The following SLC9A9 variants were observed in gnomAD, a reference collection of about 807,000 sequenced individuals.
SLC9A9 encodes solute carrier family 9 member A9, also known as sodium/hydrogen exchanger 9.
In SLC9A9, 62 loss-of-function variants were observed where a neutral mutation model predicts 77.8. The ratio of observed to expected loss-of-function variants is 0.80; its 90% CI spans 0.65 to 0.98. SLC9A9 has a LOEUF of 0.98. Among genes scored for constraint, SLC9A9 ranks in the 50% least tolerant of loss-of-function variants. SLC9A9 has a pLI of 0.00. For missense variants in SLC9A9, 775 were observed against 774.9 expected, an observed-to-expected ratio of 1.00 and a Z score of 0.00; for synonymous variants, 320 against 283.5, an observed-to-expected ratio of 1.13 and a Z score of -1.29.
At chr3:143,435,481 C>T (rs1329790887) in intron 12 of SLC9A9, among the ~76,000 whole-genome samples, 1 of 152,190 alleles carries the variant, frequency 6.6e-6, no homozygotes, top group Non-Finnish European at 1.5e-5. Context: ...TATATATTTT[C>T]ACTTCCAGTT....
intron 12 of SLC9A9, among the ~76,000 whole-genome samples, chr3:143,430,257 C>T (rs1015765482): frequency 2.0e-5 from 3 of 152,192 alleles, no homozygotes; most frequent in Non-Finnish European, 2.9e-5. Context: ...CAGTGGGGCT[C>T]ATTAATGCAC....
At position 143,581,624 on chromosome 3, in the gene SLC9A9, C is replaced by T. The variant is rs112282113; in HGVS notation, c.756-2901G>A. Among the ~76,000 whole-genome samples, 9 of 152,208 alleles carry T rather than the reference C, an allele frequency of 5.9e-5. 1 individual carries two copies. The highest frequency in any genetic ancestry group is 1.9e-4 in the African/African-American group (8 of 41,538). On this transcript the variant is annotated intron_variant, in intron 6 of 15. Transcript: ENST00000316549. ...TAAGATCACACAGCTACTAAGTTCA[C>T]AATGTAGATTTCTTGTTTCTCCCTT... is the stretch of plus-strand genomic sequence containing the variant.
At chr3:143,754,779 A>C (rs1243203988) in intron 4 of SLC9A9, among the ~76,000 whole-genome samples, 8 of 152,220 alleles carry the variant, frequency 5.3e-5, no homozygotes, top group Admixed American at 5.2e-4. Context: ...ACTGGTTATC[A>C]CAGAAACTCC....
intron 6 of SLC9A9, among the ~76,000 whole-genome samples, chr3:143,613,609 A>G (rs1292214236): frequency 1.1e-4 from 17 of 152,110 alleles, no homozygotes; most frequent in Non-Finnish European, 1.5e-5. Flanking sequence ...TTTTTTTATA[A>G]TTGGACAGCT....
intron 14 of SLC9A9, among the ~76,000 whole-genome samples, chr3:143,279,177 G>C (rs749001634): frequency 1.3e-5 from 2 of 152,120 alleles, no homozygotes; most frequent in Non-Finnish European, 2.9e-5. Context: ...GGCTTCTGGA[G>C]CCCTAGGAAA....
chr3:143,486,506 A>G (rs184082138), intron 11 of SLC9A9, among the ~76,000 whole-genome samples: 33 of 152,292 alleles, frequency 2.2e-4, no homozygotes, highest in Admixed American at 1.0e-3. Context: ...CACTAATATT[A>G]TAACTTTGGT....
chr3:143,806,389 G>T (rs920145364), intron 2 of SLC9A9, among the ~76,000 whole-genome samples: 1 of 151,916 alleles, frequency 6.6e-6, no homozygotes, highest in Non-Finnish European at 1.5e-5. Flanking sequence ...ATGATTATTG[G>T]TTTATATTTG....
chr3:143,784,172 G>A (rs16854322), intron 4 of SLC9A9, among the ~76,000 whole-genome samples: 28,492 of 152,100 alleles, frequency 0.19, 2,830 homozygotes, highest in South Asian at 0.26. Flanking sequence ...AAACTTTCCC[G>A]TAGTTCCCCA....
chr3:143,460,154 TC>T (rs1167547585), intron 12 of SLC9A9, among the ~76,000 whole-genome samples: 1 of 152,130 alleles, frequency 6.6e-6, no homozygotes, highest in Non-Finnish European at 1.5e-5. Context: ...TGTCTATGAG[TC>T]CAGGCCAAGA....
At chr3:143,820,297 G>T (rs1002752860) in intron 2 of SLC9A9, among the ~76,000 whole-genome samples, 1 of 152,126 alleles carries the variant, frequency 6.6e-6, no homozygotes, top group East Asian at 1.9e-4. Context: ...TGCTGAATTT[G>T]TTCTCATTGA....
intron 12 of SLC9A9, among the ~76,000 whole-genome samples, chr3:143,389,297 T>C (rs1222827286): frequency 6.6e-6 from 1 of 152,192 alleles, no homozygotes; most frequent in African/African-American, 2.4e-5. Context: ...GGAGGTCATT[T>C]AGTAGTCTAC....
At chr3:143,811,903 TG>T (rs796160419) in intron 2 of SLC9A9, 10 of 328,968 alleles carry the variant, frequency 3.0e-5, no homozygotes, top group African/African-American at 2.3e-4. Context: ...AAACAAGAAG[TG>T]TTCACTAGAT....
At chr3:143,733,892 C>T (rs1017973188) in intron 4 of SLC9A9, among the ~76,000 whole-genome samples, 4 of 152,022 alleles carry the variant, frequency 2.6e-5, no homozygotes, top group Non-Finnish European at 5.9e-5. Context: ...GAGGATAACT[C>T]GAATTGACTA....
intron 1 of SLC9A9, among the ~76,000 whole-genome samples, chr3:143,843,100 C>T (rs59306133): frequency 0.02 from 2,975 of 151,888 alleles, 99 homozygotes; most frequent in African/African-American, 0.062. Flanking sequence ...GGGAGCACAT[C>T]AATATTTTCT....
chr3:143,267,678 G>A (rs1937771814), intron 15 of SLC9A9, among the ~76,000 whole-genome samples: 1 of 152,138 alleles, frequency 6.6e-6, no homozygotes, highest in Non-Finnish European at 1.5e-5. Context: ...CCTTAAAAGT[G>A]TGTCTTCTCA....
chr3:143,607,582 G>A (rs1004417465), intron 6 of SLC9A9, among the ~76,000 whole-genome samples: 2 of 151,990 alleles, frequency 1.3e-5, no homozygotes, highest in African/African-American at 2.4e-5. Context: ...TGTTAATTAT[G>A]TATTCTATGT....
intron 4 of SLC9A9, among the ~76,000 whole-genome samples, chr3:143,771,436 T>C (rs940647560): frequency 5.9e-5 from 9 of 152,220 alleles, no homozygotes; most frequent in African/African-American, 1.9e-4. Context: ...TTAGATTAGA[T>C]GAAGCCTGCC....
At chr3:143,628,468 A>G (rs947580416) in intron 6 of SLC9A9, among the ~76,000 whole-genome samples, 3 of 152,176 alleles carry the variant, frequency 2.0e-5, no homozygotes, top group Non-Finnish European at 4.4e-5. Flanking sequence ...GAAAAACAGA[A>G]TGGTTGTATG....
At chr3:143,806,447 C>T (rs1189603064) in intron 2 of SLC9A9, among the ~76,000 whole-genome samples, 2 of 152,016 alleles carry the variant, frequency 1.3e-5, no homozygotes, top group African/African-American at 2.4e-5. Context: ...CACAGTGATG[C>T]CTTAGTCTGC....
Sources: allele counts gnomAD v4.1 joint callset (sites outside exome capture counted in the v4.1 genomes callset), GRCh38; gene constraint gnomAD v4.1.1; transcripts MANE v1.5; gene names NCBI Gene and HGNC (gene_info 2026-07-23, HGNC 2026-07-21).